KIZ: variants seen among roughly 807,000 people sequenced by gnomAD.
KIZ encodes the protein kizuna centrosomal protein, also known as centrosomal protein kizuna.
KIZ carries 68 observed loss-of-function variants against 79.6 expected under a neutral mutation model. The observed-to-expected ratio is 0.85, with a 90% CI of 0.70 to 1.05. The LOEUF (loss-of-function observed/expected upper bound fraction) is 1.05, where lower values mean the gene tolerates loss of function less well. Ranked by LOEUF, KIZ falls within the 50% of genes least tolerant of loss-of-function variation. The pLI is 0.00. For missense variants in KIZ, 797 were observed against 800.4 expected (o/e 1.00, Z 0.05); for synonymous variants, 280 against 281.8 (o/e 0.99, Z 0.06).
chr20:21,208,392 T>G (rs1568978110), intron 7 of KIZ, among the ~76,000 whole-genome samples: 1 of 152,218 alleles, frequency 6.6e-6, no homozygotes, highest in Non-Finnish European at 1.5e-5. Flanking sequence ...AATAGATTAA[T>G]GACAAAATCT....
At chr20:21,172,727 T>C (rs1022863163) in intron 6 of KIZ, among the ~76,000 whole-genome samples, 8 of 152,174 alleles carry the variant, frequency 5.3e-5, no homozygotes, top group African/African-American at 1.9e-4. Context: ...GAGTAGGACC[T>C]GAAGTGGGAG....
At chr20:21,244,436 C>T in intron 12 of KIZ, 148 bp downstream of exon 12, 3 of 642,604 alleles carry the variant, frequency 4.7e-6, no homozygotes, top group Non-Finnish European at 8.4e-6. Context: ...GGGGTGGAAC[C>T]TGAGGGCTTC....
intron 6 of KIZ, among the ~76,000 whole-genome samples, chr20:21,169,643 G>A (rs565957378): frequency 2.0e-5 from 3 of 152,176 alleles, no homozygotes; most frequent in Non-Finnish European, 2.9e-5. Context: ...TGTTTGTTGC[G>A]GCACTATTCA....
At chr20:21,188,643 A>G (rs1325648430) in intron 6 of KIZ, among the ~76,000 whole-genome samples, 3 of 151,452 alleles carry the variant, frequency 2.0e-5, no homozygotes, top group African/African-American at 7.3e-5. Context: ...AGCTGGCTCC[A>G]TAATAAGCCC....
chr20:21,238,910 C>T (rs531038194), intron 11 of KIZ, among the ~76,000 whole-genome samples: 90 of 152,334 alleles, frequency 5.9e-4, no homozygotes, highest in African/African-American at 1.8e-3. Flanking sequence ...AGAAACTTCA[C>T]GCATCTCAGG....
chr20:21,236,428 G>A (rs2037009349), intron 11 of KIZ, among the ~76,000 whole-genome samples: 1 of 152,134 alleles, frequency 6.6e-6, no homozygotes, highest in African/African-American at 2.4e-5. Flanking sequence ...ATTTCCACTA[G>A]CAGTCAAAAA....
At chr20:21,166,637 T>C in intron 6 of KIZ, 9 of 816,496 alleles carry the variant, frequency 1.1e-5, no homozygotes, top group East Asian at 2.5e-5. Context: ...TTTTTTTTTT[T>C]TGGAGAGACT....
intron 9 of KIZ, among the ~76,000 whole-genome samples, chr20:21,221,273 A>G (rs776513534): frequency 2.0e-5 from 3 of 152,212 alleles, no homozygotes; most frequent in Non-Finnish European, 4.4e-5. Flanking sequence ...GCTATGCTAA[A>G]TGTCATAAAA....
intron 6 of KIZ, among the ~76,000 whole-genome samples, chr20:21,202,972 ACATAT>A (rs1318019705): frequency 2.6e-5 from 4 of 152,212 alleles, no homozygotes. Context: ...AAAACAGACA[ACATAT>A]CATTTCACTC....
chr20:21,149,222 GTAGTATGGGTAAAAGA>G (rs1321676456), intron 4 of KIZ, among the ~76,000 whole-genome samples: 1 of 152,194 alleles, frequency 6.6e-6, no homozygotes, highest in Non-Finnish European at 1.5e-5. Context: ...GCCCTCTAAG[GTAGTATGGGTAAAAGA>G]TAGTATGGGT....
At chr20:21,167,942 TTAAG>T (rs1234494293) in intron 6 of KIZ, among the ~76,000 whole-genome samples, 2 of 152,192 alleles carry the variant, frequency 1.3e-5, no homozygotes, top group Non-Finnish European at 2.9e-5. Flanking sequence ...TTATTATACT[TTAAG>T]TTTTAGGGTA....
rs781299553 is a variant in KIZ, at chr20:21,136,389, G to C, written c.153-1G>C. 2 of 1,483,606 alleles carry C rather than the reference G, an allele frequency of 1.3e-6. No homozygotes were observed. Among genetic ancestry groups the C allele is most frequent in the African/African-American group, 1.4e-5 (1 of 71,330 alleles). The allele number at this position is 1,483,606 out of a possible 1,614,324, so 91.9% of individuals were successfully genotyped here. On this transcript the variant is annotated splice_acceptor_variant, in intron 2 of 12. Transcript: ENST00000619189. LOFTEE classifies it high-confidence loss of function. ...TTTTAAAACTGCTTTTAATTTTCTA[G>C]AGTTAAGCTGAAATATGTAAAACTA... is the stretch of plus-strand genomic sequence containing the variant.
chr20:21,167,291 A>G (rs1321469564), intron 6 of KIZ, among the ~76,000 whole-genome samples: 6 of 152,244 alleles, frequency 3.9e-5, no homozygotes, highest in Admixed American at 3.9e-4. Flanking sequence ...GTGTCTACCC[A>G]TAATGACTGG....
At chr20:21,130,327 A>G (rs1199980277) in intron 1 of KIZ, among the ~76,000 whole-genome samples, 1 of 152,204 alleles carries the variant, frequency 6.6e-6, no homozygotes, top group Non-Finnish European at 1.5e-5. Flanking sequence ...TTTCTTAGGA[A>G]TACAACAGAA....
intron 2 of KIZ, chr20:21,133,116 A>G (rs562296612): frequency 6.7e-4 from 102 of 152,376 alleles, no homozygotes; most frequent in African/African-American, 2.2e-3. Context: ...TAATTTATCC[A>G]TGTCACACTA....
At chr20:21,141,247 G>T (rs552254380) in intron 3 of KIZ, among the ~76,000 whole-genome samples, 1 of 152,058 alleles carries the variant, frequency 6.6e-6, no homozygotes, top group Non-Finnish European at 1.5e-5. Context: ...GGGATTTGAC[G>T]GTAAGTGGTT....
At chr20:21,137,591 C>T (rs1334695444) in intron 3 of KIZ, among the ~76,000 whole-genome samples, 1 of 151,188 alleles carries the variant, frequency 6.6e-6, no homozygotes, top group Non-Finnish European at 1.5e-5. Context: ...CACTTAGATG[C>T]AGTAGTTGTA....
chr20:21,241,151 G>A (rs1423821015), intron 11 of KIZ, among the ~76,000 whole-genome samples: 1 of 152,052 alleles, frequency 6.6e-6, no homozygotes, highest in African/African-American at 2.4e-5. Flanking sequence ...ATCTACTCTA[G>A]TAGCCAAAGT....
At position 21,226,956 on chromosome 20, in the gene KIZ, G is replaced by A. The variant is rs554061786; in HGVS notation, c.1679-2055G>A. Among the ~76,000 whole-genome samples, 8 of 152,282 alleles carry A rather than the reference G, an allele frequency of 5.3e-5. No homozygotes were observed. In the South Asian group the frequency reaches 8.3e-4, roughly 16 times the overall value. On this transcript the variant is annotated intron_variant, in intron 9 of 12. Transcript: ENST00000619189. The stretch of plus-strand genomic sequence containing the variant: ...GCAGGAGAGTGAGCCATCTCAGGAT[G>A]GGTGGTTAGCCAAAAGCTCCTGAGC...
Sources: gnomAD v4.1 joint callset for allele counts (sites outside exome capture counted in the v4.1 genomes callset) on GRCh38, gnomAD v4.1.1 for gene constraint, MANE v1.5 for transcripts, NCBI Gene and HGNC (gene_info 2026-07-23, HGNC 2026-07-21) for gene names.